The following TAOK3 variants were observed in gnomAD, a reference collection of about 807,000 sequenced individuals.
The protein encoded by TAOK3 is serine/threonine-protein kinase TAO3.
TAOK3 carries 40 observed loss-of-function variants against 120.4 expected under a neutral mutation model. The ratio of observed to expected loss-of-function variants is 0.33; its 90% CI spans 0.26 to 0.43. The LOEUF is 0.43. Among genes scored for constraint, TAOK3 ranks in the 20% least tolerant of loss-of-function variants. The pLI is 1.00. For synonymous variants in TAOK3, 355 were observed against 387.5 expected, an observed-to-expected ratio of 0.92 and a Z score of 0.99; for missense variants, 821 against 1,112.1, an observed-to-expected ratio of 0.74 and a Z score of 3.72.
chr12:118,240,203 G>A (rs891162819), intron 5 of TAOK3, among the ~76,000 whole-genome samples: 7 of 144,970 alleles, frequency 4.8e-5, no homozygotes, highest in Non-Finnish European at 6.0e-5. Context: ...TTTTTGAGAC[G>A]GAGTTCACTC....
chr12:118,204,998 C>T (rs1026305096), intron 11 of TAOK3, among the ~76,000 whole-genome samples: 24 of 151,838 alleles, frequency 1.6e-4, no homozygotes, highest in Non-Finnish European at 3.4e-4. Context: ...GATGAAACTC[C>T]GTCTCTACTA....
chr12:118,157,499 G>A (rs1287810782), intron 19 of TAOK3, among the ~76,000 whole-genome samples: 1 of 152,146 alleles, frequency 6.6e-6, no homozygotes, highest in African/African-American at 2.4e-5. Context: ...TTCTTCCAAA[G>A]TGCCACTGCC....
intron 13 of TAOK3, among the ~76,000 whole-genome samples, chr12:118,195,447 C>T (rs2037665783): frequency 6.6e-6 from 1 of 152,154 alleles, no homozygotes; most frequent in Admixed American, 6.5e-5. Flanking sequence ...GACAAGGAAA[C>T]AATCTGGATT....
At chr12:118,358,681 A>T (rs954122862) in intron 1 of TAOK3, among the ~76,000 whole-genome samples, 1 of 152,156 alleles carries the variant, frequency 6.6e-6, no homozygotes, top group Non-Finnish European at 1.5e-5. Context: ...AAAAAATTAA[A>T]TTTTTTTGAA....
chr12:118,199,351 T>C lies in TAOK3; in HGVS notation c.988-94A>G, dbSNP rs115374391. The C allele has an allele frequency of 1.7e-3, 1,664 of 998,614 alleles. 20 individuals are homozygous for C. In the African/African-American group the frequency reaches 0.023, roughly 14 times the overall value. 61.9% of individuals were successfully genotyped at this position (998,614 alleles called of 1,614,324 possible). A position where few individuals can be genotyped will look rare whatever the true frequency, so the allele number is the denominator to read the frequency against. On this transcript the variant is annotated intron_variant, in intron 12 of 20. Transcript: ENST00000392533. ...GTCAAGCACACTCAATTTTGCAGTG[T>C]CAAGTTGCTTTTCTGCCAATCTGCA...
At chr12:118,315,016 C>T (rs1354344929) in intron 1 of TAOK3, among the ~76,000 whole-genome samples, 1 of 151,908 alleles carries the variant, frequency 6.6e-6, no homozygotes, top group African/African-American at 2.4e-5. Flanking sequence ...CTGCAACCTC[C>T]GCCTCCCACA....
At chr12:118,194,612 C>CTTTT (rs58866768) in intron 13 of TAOK3, among the ~76,000 whole-genome samples, 10 of 98,080 alleles carry the variant, frequency 1.0e-4, no homozygotes, top group African/African-American at 2.2e-4. Flanking sequence ...AAGGACATTT[C>CTTTT]TTTTTTTTTT....
chr12:118,354,060 A>G (rs1217433958), intron 1 of TAOK3, among the ~76,000 whole-genome samples: 1 of 152,254 alleles, frequency 6.6e-6, no homozygotes, highest in Non-Finnish European at 1.5e-5. Flanking sequence ...CTAGAGTCTC[A>G]GATTGTGAGA....
chr12:118,323,228 T>C (rs1593541158), intron 1 of TAOK3, among the ~76,000 whole-genome samples: 1 of 152,130 alleles, frequency 6.6e-6, no homozygotes, highest in Non-Finnish European at 1.5e-5. Flanking sequence ...AATATTGAGA[T>C]CTGGCAATGA....
At position 118,336,910 on chromosome 12, in the gene TAOK3, A is replaced by C. The variant is rs2044391315; in HGVS notation, c.-194+35738T>G. Among the ~76,000 whole-genome samples the C allele has an allele frequency of 2.0e-5, 3 of 152,316 alleles. No individual in the cohort carries two copies. In the South Asian group the frequency reaches 6.2e-4, roughly 32 times the overall value. On this transcript the variant is annotated intron_variant, in intron 1 of 20. Transcript: ENST00000392533. The stretch of plus-strand genomic sequence containing the variant: ...AACATGGCGAAACCCTGTCTCTACT[A>C]AAGATATACAAATTAGCTGCCCACC...
At position 118,239,503 on chromosome 12, in the gene TAOK3, G is replaced by C. The variant is rs531665193; in HGVS notation, c.295-231C>G. 5.3e-5 allele frequency among the ~76,000 whole-genome samples: 8 copies of C among 152,242 alleles called. No homozygotes were observed. In the South Asian group the frequency reaches 1.4e-3, roughly 28 times the overall value. On this transcript the variant is annotated intron_variant, in intron 5 of 20. Coordinates refer to ENST00000392533, the MANE Select transcript of TAOK3 (RefSeq NM_016281.4). Reference sequence around the variant, plus strand: ...TGGCCTAAAGATTATTGGGGGACTAGATATAGAAATATTCACTATAAATGG... The same window carrying C: ...TGGCCTAAAGATTATTGGGGGACTACATATAGAAATATTCACTATAAATGG...
intron 1 of TAOK3, among the ~76,000 whole-genome samples, chr12:118,343,562 CT>C (rs2044722412): frequency 6.6e-6 from 1 of 151,906 alleles, no homozygotes; most frequent in East Asian, 1.9e-4. Flanking sequence ...GTGCAGGGAA[CT>C]GTATGGGGTG....
chr12:118,340,693 G>T (rs1164613341), intron 1 of TAOK3, among the ~76,000 whole-genome samples: 3 of 151,500 alleles, frequency 2.0e-5, no homozygotes, highest in Non-Finnish European at 2.9e-5. Flanking sequence ...ACTTCCCACA[G>T]CACTCCGTTA....
intron 17 of TAOK3, among the ~76,000 whole-genome samples, chr12:118,166,519 CAA>C (rs2035592537): frequency 7.9e-6 from 1 of 126,236 alleles, no homozygotes; most frequent in South Asian, 2.5e-4. Flanking sequence ...GCCTGGGCAA[CAA>C]GAGCGAAACT....
intron 11 of TAOK3, among the ~76,000 whole-genome samples, chr12:118,208,781 G>A (rs2038469159): frequency 6.6e-6 from 1 of 151,964 alleles, no homozygotes; most frequent in African/African-American, 2.4e-5. Context: ...GCACGATCTC[G>A]GCTCACTGCA....
chr12:118,370,195 C>T (rs2045858737), intron 1 of TAOK3, among the ~76,000 whole-genome samples: 1 of 152,110 alleles, frequency 6.6e-6, no homozygotes, highest in African/African-American at 2.4e-5. Context: ...TTTTCATAAC[C>T]ACATCAAGCT....
At chr12:118,189,353 T>G (rs187455021) in intron 14 of TAOK3, among the ~76,000 whole-genome samples, 1 of 152,178 alleles carries the variant, frequency 6.6e-6, no homozygotes, top group East Asian at 1.9e-4. Context: ...TAGACACATA[T>G]GCATCTATAC....
chr12:118,351,114 G>GGCTGCAGTGAACTGAGATC, intron 1 of TAOK3, among the ~76,000 whole-genome samples: 1 of 152,250 alleles, frequency 6.6e-6, no homozygotes, highest in East Asian at 1.9e-4. Flanking sequence ...GGGAAGTGGA[G>GGCTGCAGTGAACTGAGATC]GCTGCAGTGA....
At chr12:118,229,654 G>T (rs2039672777) in intron 9 of TAOK3, among the ~76,000 whole-genome samples, 1 of 151,988 alleles carries the variant, frequency 6.6e-6, no homozygotes, top group Non-Finnish European at 1.5e-5. Context: ...ACACTAGGCC[G>T]GGCCTGGTGG....
Sources: allele counts gnomAD v4.1 joint callset (sites outside exome capture counted in the v4.1 genomes callset), GRCh38; gene constraint gnomAD v4.1.1; transcripts MANE v1.5; gene names NCBI Gene and HGNC (gene_info 2026-07-23, HGNC 2026-07-21).